TNNT3: variants seen among roughly 807,000 people sequenced by gnomAD.
TNNT3 encodes the protein troponin T, fast skeletal muscle.
A neutral mutation model predicts 54.2 loss-of-function variants in TNNT3; 36 were observed. The ratio of observed to expected loss-of-function variants is 0.66; its 90% CI spans 0.51 to 0.88. The LOEUF is 0.88. TNNT3 is among the 40% of genes least tolerant of loss of function. TNNT3 has a pLI of 0.00. For synonymous variants in TNNT3, 120 were observed against 109.7 expected (o/e 1.09, Z -0.59); for missense variants, 291 against 331.6 (o/e 0.88, Z 0.95).
At chr11:1,922,182 G>A (rs916072311) in intron 1 of TNNT3, among the ~76,000 whole-genome samples, 2 of 152,182 alleles carry the variant, frequency 1.3e-5, no homozygotes, top group Non-Finnish European at 1.5e-5. Context: ...AGGGTACAGG[G>A]GTAACAAGAA....
chr11:1,926,835 G>A (rs1851753939), intron 6 of TNNT3, 126 bp downstream of exon 6: 4 of 1,298,472 alleles, frequency 3.1e-6, no homozygotes, highest in Non-Finnish European at 3.3e-6. Flanking sequence ...TCTGGCCTCT[G>A]GGCTGGGGAC....
rs746233471 is a variant in TNNT3, at chr11:1,934,642, G to A, written c.577G>A (p.Glu193Lys). ...RKPLNIDHLGEDKLRDKAKEL... is the reference protein window; with the variant it reads ...RKPLNIDHLGKDKLRDKAKEL... ...GCCGCTCAACATCGATCACCTTGGT[G>A]AAGACAAACTGAGGTGAGGGGTGGG... The change falls in exon 13 of 16, where the codon GAA becomes AAA. Residue 193 changes from glutamate to lysine, a missense_variant. Transcript: ENST00000278317. The A allele has an allele frequency of 6.2e-7, 1 of 1,609,330 alleles. No homozygotes were observed. Among genetic ancestry groups the A allele is most frequent in the Non-Finnish European group, 8.5e-7 (1 of 1,178,320 alleles).
At chr11:1,930,567 A>AGCCACAGCACTCGCTACGTGATTCACCC in intron 8 of TNNT3, among the ~76,000 whole-genome samples, 3 of 152,172 alleles carry the variant, frequency 2.0e-5, no homozygotes, top group Admixed American at 2.0e-4. Flanking sequence ...GGTATTCACC[A>AGCCACAGCACTCGCTACGTGATTCACCC]GCCACAGCAC....
chr11:1,921,481 T>C (rs1315426202), intron 1 of TNNT3: 1 of 152,246 alleles, frequency 6.6e-6, no homozygotes, highest in Non-Finnish European at 1.5e-5. Context: ...CACTGGCTCG[T>C]GGGGCTGAGG....
chr11:1,926,471 T>C (rs767002933), intron 5 of TNNT3: 1 of 1,613,216 alleles, frequency 6.2e-7, no homozygotes, highest in Non-Finnish European at 8.5e-7. Flanking sequence ...CCCGTGAAGT[T>C]CATGAACCAG....
intron 15 of TNNT3, among the ~76,000 whole-genome samples, chr11:1,937,833 GTGCC>G (rs1414942857): frequency 1.3e-5 from 2 of 152,224 alleles, no homozygotes; most frequent in Admixed American, 1.3e-4. Flanking sequence ...TGGTGTGCAT[GTGCC>G]TGCGTGTGTG....
At chr11:1,935,304 C>T (rs922514258) in intron 14 of TNNT3, 11 of 350,806 alleles carry the variant, frequency 3.1e-5, no homozygotes, top group East Asian at 2.2e-4. Flanking sequence ...GCACCGAGTC[C>T]GTCTGGTGTG....
chr11:1,932,477 C>T lies in TNNT3; in HGVS notation c.134C>T (p.Ala45Val), dbSNP rs1266993984. The change falls in exon 9 of 16, where the codon GCT becomes GTT. Residue 45 changes from alanine (A) to valine (V), a missense_variant. Physicochemically the swap from Ala to Val is moderately conservative, Grantham distance 64. Transcript: ENST00000278317. ...EEEKPRPKLT[A>V]PKIPEGEKVD... Reference sequence around the variant, plus strand: ...CTCTGTCTCCTCTTCAGACTCACTGCTCCTAAGATCCCAGAAGGGGAGAAA... The same window carrying T: ...CTCTGTCTCCTCTTCAGACTCACTGTTCCTAAGATCCCAGAAGGGGAGAAA... 1.2e-6 allele frequency: 2 copies of T among 1,613,864 alleles called. No homozygotes were observed. Among genetic ancestry groups the T allele is most frequent in the Non-Finnish European group, 1.7e-6 (2 of 1,179,978 alleles).
intron 4 of TNNT3, 117 bp from the exon 5 acceptor site, chr11:1,924,982 C>T: frequency 1.6e-6 from 2 of 1,212,668 alleles, no homozygotes; most frequent in South Asian, 1.3e-5. Flanking sequence ...CCCAGGCCCT[C>T]TTCTCCCGGC....
intron 8 of TNNT3, among the ~76,000 whole-genome samples, chr11:1,931,312 G>A (rs1402065223): frequency 6.6e-6 from 1 of 152,236 alleles, no homozygotes; most frequent in Non-Finnish European, 1.5e-5. Flanking sequence ...GAATTACTGG[G>A]TCAAAGAGTA....
At chr11:1,926,157 C>T (rs957108195) in intron 5 of TNNT3, among the ~76,000 whole-genome samples, 46 of 152,144 alleles carry the variant, frequency 3.0e-4, no homozygotes, top group African/African-American at 1.0e-3. Flanking sequence ...GGGATGGGGG[C>T]GAGCAAAGGA....
chr11:1,923,839 A>G (rs540645991), intron 4 of TNNT3, among the ~76,000 whole-genome samples: 9 of 152,090 alleles, frequency 5.9e-5, no homozygotes, highest in African/African-American at 2.2e-4. Context: ...ATATGCATTC[A>G]CGATCCTTCA....
intron 5 of TNNT3, 106 bp downstream of exon 5, chr11:1,925,222 C>T (rs1301547887): frequency 1.2e-6 from 2 of 1,605,538 alleles, no homozygotes; most frequent in South Asian, 1.1e-5. Flanking sequence ...GTGCCCCTGT[C>T]TAACCCTCTC....
At chr11:1,932,621 C>A in intron 9 of TNNT3, 107 bp downstream of exon 9, 1 of 1,112,746 alleles carries the variant, frequency 9.0e-7, no homozygotes, top group Non-Finnish European at 1.4e-6. Context: ...AGAGCCGGGG[C>A]CTCCTGGGTC....
At chr11:1,936,383 C>A in intron 14 of TNNT3, 1 of 1,009,538 alleles carries the variant, frequency 9.9e-7, no homozygotes, top group Non-Finnish European at 1.5e-6. Context: ...CTTCCTCCTG[C>A]CCCCGCTCTC....
At chr11:1,929,017 G>C (rs748009459) in intron 6 of TNNT3, 103 bp from the exon 7 acceptor site, 6 of 1,333,988 alleles carry the variant, frequency 4.5e-6, no homozygotes, top group African/African-American at 2.9e-5. Context: ...CCGAGTGAGA[G>C]GGGTGGGCCC....
intron 7 of TNNT3, 120 bp downstream of exon 7, chr11:1,929,263 T>A: frequency 7.6e-7 from 1 of 1,312,962 alleles, no homozygotes; most frequent in South Asian, 1.2e-5. Context: ...CTCTTTCTCT[T>A]CCCCTGGCAC....
chr11:1,938,595 G>C lies in TNNT3; in HGVS notation c.*103G>C, dbSNP rs761473892. Reference sequence around the variant, plus strand: ...TCCAGCCCCCACAATCCTGTCAGGGGCTCCCTGACAGTCCTGGGGGTGGAG... The same window carrying C: ...TCCAGCCCCCACAATCCTGTCAGGGCCTCCCTGACAGTCCTGGGGGTGGAG... On this transcript the variant is annotated 3_prime_UTR_variant, in exon 16 of 16. Coordinates refer to ENST00000278317, the MANE Select transcript of TNNT3 (RefSeq NM_006757.4). The C allele has an allele frequency of 8.0e-7, 1 of 1,244,926 alleles. No individual in the cohort carries two copies. The highest frequency in any genetic ancestry group is 1.5e-5 in the African/African-American group (1 of 67,734). 77.1% of individuals were successfully genotyped at this position (1,244,926 alleles called of 1,614,324 possible). A position where few individuals can be genotyped will look rare whatever the true frequency, so the allele number is the denominator to read the frequency against.
chr11:1,921,722 T>C (rs1053468865), intron 1 of TNNT3: 1 of 152,266 alleles, frequency 6.6e-6, no homozygotes, highest in African/African-American at 2.4e-5. Context: ...GATGCATTTT[T>C]AGCTGATGAA....
Sources: gnomAD v4.1 joint callset for allele counts (sites outside exome capture counted in the v4.1 genomes callset) on GRCh38, gnomAD v4.1.1 for gene constraint, MANE v1.5 for transcripts, NCBI Gene and HGNC (gene_info 2026-07-23, HGNC 2026-07-21) for gene names.